The following DNAJB14 variants were observed in gnomAD, a reference collection of about 807,000 sequenced individuals.
DNAJB14 encodes DnaJ heat shock protein family (Hsp40) member B14.
In DNAJB14, 22 loss-of-function variants were observed where a neutral mutation model predicts 48.4. That is an observed-to-expected ratio of 0.45 (90% CI 0.32 to 0.65). The LOEUF is 0.65. Ranked by LOEUF, DNAJB14 falls within the 30% of genes least tolerant of loss-of-function variation. DNAJB14 has a pLI of 0.03. For synonymous variants in DNAJB14, 142 were observed against 158.7 expected, an observed-to-expected ratio of 0.89 and a Z score of 0.79; for missense variants, 319 against 458.8, an observed-to-expected ratio of 0.70 and a Z score of 2.78.
chr4:99,940,135 AT>A (rs1239798028), intron 1 of DNAJB14, among the ~76,000 whole-genome samples: 1 of 152,246 alleles, frequency 6.6e-6, no homozygotes, highest in African/African-American at 2.4e-5. Flanking sequence ...ACTGAGATCT[AT>A]TTTTATTCTT....
At chr4:99,931,398 GTGAT>G (rs1392305514) in intron 1 of DNAJB14, among the ~76,000 whole-genome samples, 3 of 152,094 alleles carry the variant, frequency 2.0e-5, no homozygotes, top group Non-Finnish European at 2.9e-5. Context: ...AGACAGGTGA[GTGAT>G]TGGGAGTGAT....
intron 1 of DNAJB14, among the ~76,000 whole-genome samples, chr4:99,931,712 C>G (rs1409376733): frequency 6.6e-6 from 1 of 150,810 alleles, no homozygotes; most frequent in Non-Finnish European, 1.5e-5. Context: ...TGGTCCTTTT[C>G]AAATCTCAGA....
chr4:99,944,745 T>C (rs1727005828), intron 1 of DNAJB14, among the ~76,000 whole-genome samples: 1 of 152,118 alleles, frequency 6.6e-6, no homozygotes. Context: ...TGGCTAATTT[T>C]TTTGTATTTT....
At chr4:99,922,879 G>T in intron 3 of DNAJB14, 161 bp downstream of exon 3, 2 of 743,268 alleles carry the variant, frequency 2.7e-6, no homozygotes, top group Non-Finnish European at 4.1e-6. Context: ...TTTGCCTTCG[G>T]GTATAACCAG....
chr4:99,908,947 AG>A (rs1725562299), intron 3 of DNAJB14, 51 bp from the exon 4 acceptor site: 1 of 1,317,566 alleles, frequency 7.6e-7, no homozygotes, highest in Non-Finnish European at 1.0e-6. Flanking sequence ...ATATTATAAA[AG>A]GCTGCCCCAC....
At chr4:99,925,948 G>A (rs17029662) in intron 2 of DNAJB14, 47,719 of 151,932 alleles carry the variant, frequency 0.31, 8,488 homozygotes, top group African/African-American at 0.49. Flanking sequence ...ACTTCAAAGT[G>A]ACCTATCATC....
intron 6 of DNAJB14, among the ~76,000 whole-genome samples, chr4:99,905,232 AT>A (rs200728240): frequency 0.021 from 3,124 of 152,158 alleles, 64 homozygotes; most frequent in Middle Eastern, 0.038. Context: ...GAGTAAAGTC[AT>A]TTTCCCCTTA....
chr4:99,908,183 A>T (rs1229309771), intron 4 of DNAJB14, among the ~76,000 whole-genome samples: 2 of 152,102 alleles, frequency 1.3e-5, no homozygotes, highest in Non-Finnish European at 2.9e-5. Context: ...TAGTCTAGTT[A>T]AAGTTAGCTA....
intron 1 of DNAJB14, among the ~76,000 whole-genome samples, chr4:99,936,449 CA>C (rs1371253187): frequency 3.0e-4 from 32 of 108,196 alleles, no homozygotes; most frequent in Admixed American, 1.4e-3. Context: ...ATATAACACA[CA>C]TATGTACAGA....
intron 3 of DNAJB14, among the ~76,000 whole-genome samples, chr4:99,909,300 A>T (rs1299238121): frequency 6.6e-6 from 1 of 152,052 alleles, no homozygotes; most frequent in African/African-American, 2.4e-5. Flanking sequence ...TCCTCACTTT[A>T]CAAATGAGGG....
chr4:99,946,393 G>A, intron 1 of DNAJB14, 46 bp downstream of exon 1: 1 of 1,572,896 alleles, frequency 6.4e-7, no homozygotes, highest in Non-Finnish European at 8.6e-7. Flanking sequence ...GGGCTACGCG[G>A]TGGTCTGGGG....
intron 1 of DNAJB14, among the ~76,000 whole-genome samples, chr4:99,937,356 C>T (rs557097293): frequency 1.7e-4 from 26 of 152,004 alleles, no homozygotes; most frequent in Non-Finnish European, 3.2e-4. Context: ...CAATCACTAA[C>T]TTAACTAAGT....
At chr4:99,923,453 G>T (rs1726132850) in intron 2 of DNAJB14, among the ~76,000 whole-genome samples, 1 of 152,004 alleles carries the variant, frequency 6.6e-6, no homozygotes, top group African/African-American at 2.4e-5. Flanking sequence ...AGTAAACAAA[G>T]CCCATAATAA....
chr4:99,944,584 G>GT (rs897801761), intron 1 of DNAJB14, among the ~76,000 whole-genome samples: 5 of 135,028 alleles, frequency 3.7e-5, no homozygotes, highest in East Asian at 2.2e-4. Context: ...TTTTTTTTTT[G>GT]TTTTTTTGAG....
intron 3 of DNAJB14, among the ~76,000 whole-genome samples, chr4:99,917,572 T>C (rs553667312): frequency 1.3e-5 from 2 of 152,336 alleles, no homozygotes; most frequent in South Asian, 2.1e-4. Flanking sequence ...CAGAGTACCA[T>C]GTTCTTTCTC....
At chr4:99,937,669 C>A (rs1292878347) in intron 1 of DNAJB14, among the ~76,000 whole-genome samples, 1 of 150,914 alleles carries the variant, frequency 6.6e-6, no homozygotes, top group Non-Finnish European at 1.5e-5. Context: ...TAGGTTGCAG[C>A]GAGCCACGAT....
intron 1 of DNAJB14, among the ~76,000 whole-genome samples, chr4:99,937,627 A>G (rs574512350): frequency 6.6e-6 from 1 of 151,820 alleles, no homozygotes; most frequent in East Asian, 2.0e-4. Flanking sequence ...TCGGGAGGCT[A>G]AGGTAGAAGA....
At chr4:99,924,215 G>C (rs530753697) in intron 2 of DNAJB14, 1 of 152,258 alleles carries the variant, frequency 6.6e-6, no homozygotes, top group East Asian at 1.9e-4. Flanking sequence ...GACAGAGTTA[G>C]TGACAGGCAA....
At chr4:99,912,926 A>T (rs751289459) in intron 3 of DNAJB14, among the ~76,000 whole-genome samples, 4 of 152,122 alleles carry the variant, frequency 2.6e-5, no homozygotes, top group Non-Finnish European at 5.9e-5. Flanking sequence ...CTTACACCTA[A>T]GTATTTTTTT....
Sources: gnomAD v4.1 joint callset for allele counts (sites outside exome capture counted in the v4.1 genomes callset) on GRCh38, gnomAD v4.1.1 for gene constraint, MANE v1.5 for transcripts, NCBI Gene and HGNC (gene_info 2026-07-23, HGNC 2026-07-21) for gene names.